TMEM108: variants seen among roughly 807,000 people sequenced by gnomAD.
The protein encoded by TMEM108 is transmembrane protein 108.
In TMEM108, 12 loss-of-function variants were observed where a neutral mutation model predicts 35.1. The observed-to-expected ratio is 0.34, with a 90% CI of 0.22 to 0.55. The LOEUF is 0.55. Ranked by LOEUF, TMEM108 falls within the 20% of genes least tolerant of loss-of-function variation. The pLI, the probability that TMEM108 is intolerant of heterozygous loss-of-function variation, is 0.89. For synonymous variants in TMEM108, 287 were observed against 308.6 expected (o/e 0.93, Z 0.73); for missense variants, 680 against 753.3 (o/e 0.90, Z 1.14).
intron 2 of TMEM108, among the ~76,000 whole-genome samples, chr3:133,177,331 C>A (rs1308795891): frequency 6.6e-6 from 1 of 152,154 alleles, no homozygotes; most frequent in Non-Finnish European, 1.5e-5. Context: ...CAGCATCATC[C>A]TGATACCAAA....
chr3:133,202,165 ATTTG>A (rs937574313), intron 2 of TMEM108, among the ~76,000 whole-genome samples: 1 of 151,936 alleles, frequency 6.6e-6, no homozygotes, highest in Non-Finnish European at 1.5e-5. Context: ...TTCCTTATAA[ATTTG>A]TTTAATTCCT....
intron 3 of TMEM108, among the ~76,000 whole-genome samples, chr3:133,307,646 T>A (rs1478913248): frequency 2.0e-5 from 3 of 152,194 alleles, no homozygotes; most frequent in Non-Finnish European, 4.4e-5. Context: ...CCCCATTTCT[T>A]GTTTTTGTCA....
intron 2 of TMEM108, among the ~76,000 whole-genome samples, chr3:133,194,145 C>T (rs1397139229): frequency 2.0e-5 from 3 of 152,110 alleles, no homozygotes; most frequent in Non-Finnish European, 4.4e-5. Context: ...CCATATTGGT[C>T]AGGCTAGTCT....
At chr3:133,103,956 A>G (rs1018525333) in intron 2 of TMEM108, among the ~76,000 whole-genome samples, 3 of 152,240 alleles carry the variant, frequency 2.0e-5, no homozygotes, top group African/African-American at 7.2e-5. Flanking sequence ...TGCTGTTGCT[A>G]TTGTGAAACC....
chr3:133,335,711 C>G (rs1176884317), intron 3 of TMEM108, among the ~76,000 whole-genome samples: 1 of 152,154 alleles, frequency 6.6e-6, no homozygotes, highest in African/African-American at 2.4e-5. Context: ...TAATAACTAT[C>G]TACACCAAAA....
chr3:133,259,651 G>C (rs938985801), intron 3 of TMEM108, among the ~76,000 whole-genome samples: 1 of 152,180 alleles, frequency 6.6e-6, no homozygotes, highest in African/African-American at 2.4e-5. Flanking sequence ...AGAAATAATG[G>C]GTTCAAGGAA....
chr3:133,306,383 A>T (rs572070445), intron 3 of TMEM108, among the ~76,000 whole-genome samples: 14 of 152,118 alleles, frequency 9.2e-5, no homozygotes, highest in Admixed American at 2.0e-4. Flanking sequence ...TTTTTTTATT[A>T]TACTTTAAGT....
rs1159257451 is a variant in TMEM108 at position 133,292,857 on chromosome 3, C to T, written c.40+63506C>T. Among the ~76,000 whole-genome samples the T allele has an allele frequency of 3.3e-5, 5 of 152,138 alleles. No individual in the cohort carries two copies. In the East Asian group the frequency reaches 9.6e-4, roughly 29 times the overall value. On this transcript the variant is annotated intron_variant, in intron 3 of 5. Coordinates refer to ENST00000321871, the MANE Select transcript of TMEM108 (RefSeq NM_023943.4). ...TTGGCTTCCAGTTCTATTTCATATGCCACTTGCTTACACCAACTTAAGCCA... is the reference window on the plus strand; with the variant it reads ...TTGGCTTCCAGTTCTATTTCATATGTCACTTGCTTACACCAACTTAAGCCA...
intron 2 of TMEM108, among the ~76,000 whole-genome samples, chr3:133,167,837 C>T (rs1346930426): frequency 2.0e-5 from 3 of 152,124 alleles, no homozygotes; most frequent in Non-Finnish European, 4.4e-5. Flanking sequence ...GAGAGGGGCT[C>T]CCACAGTGCA....
chr3:133,263,694 C>A (rs780859332), intron 3 of TMEM108, among the ~76,000 whole-genome samples: 3 of 152,176 alleles, frequency 2.0e-5, no homozygotes, highest in Non-Finnish European at 2.9e-5. Flanking sequence ...CACAGATAAT[C>A]CCAAAACTAT....
intron 2 of TMEM108, among the ~76,000 whole-genome samples, chr3:133,103,528 C>T (rs1045432497): frequency 6.6e-6 from 1 of 151,984 alleles, no homozygotes; most frequent in Non-Finnish European, 1.5e-5. Flanking sequence ...ACAACAACCC[C>T]CCATGATACA....
intron 4 of TMEM108, chr3:133,389,444 G>C: frequency 1.0e-6 from 1 of 970,682 alleles, no homozygotes; most frequent in Non-Finnish European, 1.2e-6. Context: ...AGCACTTTAG[G>C]AGGCTGAGGC....
rs1176239285 is a variant in TMEM108 at position 133,240,899 on chromosome 3, AGCAAATCTTATTTTTGTTTG to A, written c.40+11562_40+11581del. 2.0e-5 allele frequency among the ~76,000 whole-genome samples: 3 copies of A among 152,216 alleles called. No individual in the cohort carries two copies. The East Asian group carries it at 5.8e-4, about 29-fold the overall frequency. ...ACATTACTTTTGTTGTAATATTGTA[AGCAAATCTTATTTTTGTTTG>A]GCAAATCTTATTTAAAAAAAAAAGA... On this transcript the variant is annotated intron_variant, in intron 3 of 5. Coordinates refer to ENST00000321871, the MANE Select transcript of TMEM108 (RefSeq NM_023943.4).
chr3:133,283,433 A>G (rs906644171), intron 3 of TMEM108, among the ~76,000 whole-genome samples: 8 of 152,200 alleles, frequency 5.3e-5, no homozygotes, highest in Non-Finnish European at 1.2e-4. Context: ...TTTCAGTTTT[A>G]TTCTCAGAGC....
intron 3 of TMEM108, among the ~76,000 whole-genome samples, chr3:133,339,949 G>A (rs2071612529): frequency 6.6e-6 from 1 of 151,720 alleles, no homozygotes; most frequent in Admixed American, 6.6e-5. Flanking sequence ...TACAGTGAAA[G>A]CAGTACTAAG....
In TMEM108 at chr3:133,378,828, T is replaced by C. The variant is rs568520226; in HGVS notation, c.41-924T>C. Among the ~76,000 whole-genome samples, 5 of 149,566 alleles carry C rather than the reference T, an allele frequency of 3.3e-5. No individual in the cohort carries two copies. The South Asian group carries it at 1.1e-3, about 32-fold the overall frequency. On this transcript the variant is annotated intron_variant, in intron 3 of 5. Transcript: ENST00000321871. ...CTTTTTTTTTTTTTTTTTTTAATGTTCAAAAGGGCTCCTTCTACTCAAAAA... is the reference window on the plus strand; with the variant it reads ...CTTTTTTTTTTTTTTTTTTTAATGTCCAAAAGGGCTCCTTCTACTCAAAAA...
At chr3:133,355,072 T>C (rs1364313947) in intron 3 of TMEM108, among the ~76,000 whole-genome samples, 2 of 152,220 alleles carry the variant, frequency 1.3e-5, no homozygotes, top group Non-Finnish European at 2.9e-5. Flanking sequence ...AATTCCATAG[T>C]GAGACCTATT....
chr3:133,300,303 A>G (rs1015206498), intron 3 of TMEM108, among the ~76,000 whole-genome samples: 3 of 152,130 alleles, frequency 2.0e-5, no homozygotes, highest in African/African-American at 7.2e-5. Context: ...TTGCCTGGCA[A>G]CCTACAGCCA....
chr3:133,159,101 C>T (rs1265759655), intron 2 of TMEM108, among the ~76,000 whole-genome samples: 1 of 152,178 alleles, frequency 6.6e-6, no homozygotes, highest in Non-Finnish European at 1.5e-5. Context: ...CATTGTCTCC[C>T]CACATCTTCA....
Sources: gnomAD v4.1 joint callset for allele counts (sites outside exome capture counted in the v4.1 genomes callset) on GRCh38, gnomAD v4.1.1 for gene constraint, MANE v1.5 for transcripts, NCBI Gene and HGNC (gene_info 2026-07-23, HGNC 2026-07-21) for gene names.